The following LSAMP variants were observed in gnomAD, a reference collection of about 807,000 sequenced individuals.
LSAMP encodes limbic system associated membrane protein.
Under a neutral mutation model 38.6 loss-of-function variants are expected in LSAMP, and 7 were observed. The ratio of observed to expected loss-of-function variants is 0.18; its 90% CI spans 0.10 to 0.34. The LOEUF is 0.34. Ranked by LOEUF, LSAMP falls within the 10% of genes least tolerant of loss-of-function variation. LSAMP has a pLI of 1.00. For missense variants in LSAMP, 313 were observed against 420.0 expected, an observed-to-expected ratio of 0.75 and a Z score of 2.23; for synonymous variants, 154 against 166.8, an observed-to-expected ratio of 0.92 and a Z score of 0.59.
At chr3:116,381,478 G>A (rs1021382188) in intron 1 of LSAMP, among the ~76,000 whole-genome samples, 1 of 151,936 alleles carries the variant, frequency 6.6e-6, no homozygotes, top group African/African-American at 2.4e-5. Context: ...TCTCTATTAC[G>A]TCCCACAGTA....
At chr3:116,328,138 A>G (rs999433916) in intron 1 of LSAMP, among the ~76,000 whole-genome samples, 3 of 152,160 alleles carry the variant, frequency 2.0e-5, no homozygotes, top group African/African-American at 7.2e-5. Flanking sequence ...TAGAAGGAAA[A>G]CTAGTAATCC....
At chr3:116,239,529 T>C (rs2046505595) in intron 1 of LSAMP, among the ~76,000 whole-genome samples, 1 of 152,198 alleles carries the variant, frequency 6.6e-6, no homozygotes, top group African/African-American at 2.4e-5. Flanking sequence ...AATATGTTGT[T>C]TAATTCAGTA....
chr3:116,303,760 A>G (rs1330302340), intron 1 of LSAMP, among the ~76,000 whole-genome samples: 1 of 152,182 alleles, frequency 6.6e-6, no homozygotes, highest in Non-Finnish European at 1.5e-5. Flanking sequence ...TGGCACGGGC[A>G]TACTCGGAGC....
intron 1 of LSAMP, among the ~76,000 whole-genome samples, chr3:116,396,400 TC>T (rs2048768050): frequency 6.6e-6 from 1 of 152,206 alleles, no homozygotes; most frequent in African/African-American, 2.4e-5. Context: ...CTGCTTCAAG[TC>T]CATTTCAAAC....
At chr3:116,167,139 GGTTTTT>G (rs1340737399) in intron 1 of LSAMP, among the ~76,000 whole-genome samples, 1 of 151,958 alleles carries the variant, frequency 6.6e-6, no homozygotes, top group Non-Finnish European at 1.5e-5. Context: ...GGGTACAGGA[GGTTTTT>G]GGCTACATGG....
At chr3:116,403,746 C>T (rs914616048) in intron 1 of LSAMP, among the ~76,000 whole-genome samples, 16 of 145,700 alleles carry the variant, frequency 1.1e-4, no homozygotes, top group Non-Finnish European at 2.4e-4. Context: ...GGCATAGAAT[C>T]TTTTTTTTTT....
intron 1 of LSAMP, among the ~76,000 whole-genome samples, chr3:116,201,077 G>A (rs143271579): frequency 5.9e-4 from 90 of 152,350 alleles, no homozygotes; most frequent in African/African-American, 2.1e-3. Context: ...TGAGAGCAGA[G>A]AAGAATTCAT....
chr3:116,016,042 G>A (rs80223202), intron 3 of LSAMP, among the ~76,000 whole-genome samples: 2,032 of 151,948 alleles, frequency 0.013, 29 homozygotes, highest in African/African-American at 0.034. Flanking sequence ...ACATGGCCAC[G>A]GGTTGCAGGC....
intron 1 of LSAMP, among the ~76,000 whole-genome samples, chr3:116,319,072 G>T (rs2047672604): frequency 6.6e-6 from 1 of 152,110 alleles, no homozygotes; most frequent in Non-Finnish European, 1.5e-5. Flanking sequence ...GGGAGAAGTA[G>T]GGGAATAATG....
chr3:116,199,581 G>A (rs943610468), intron 1 of LSAMP, among the ~76,000 whole-genome samples: 19 of 152,148 alleles, frequency 1.2e-4, no homozygotes, highest in African/African-American at 3.6e-4. Context: ...ATAAATAAAT[G>A]AGTGAGCAAA....
At chr3:116,067,128 C>T (rs1408501995) in intron 2 of LSAMP, among the ~76,000 whole-genome samples, 1 of 152,170 alleles carries the variant, frequency 6.6e-6, no homozygotes, top group Non-Finnish European at 1.5e-5. Flanking sequence ...ACAATCCTCA[C>T]TTCAGGCTTC....
In LSAMP at chr3:115,832,280, C is replaced by T. The variant is rs74404052; in HGVS notation, c.919+9565G>A. ...AAAAATCTTTGTAACTTTTGAAACA[C>T]CCACTTTCAAAACACCTTAACAAAA... On this transcript the variant is annotated intron_variant, in intron 6 of 6. Coordinates refer to ENST00000490035, the MANE Select transcript of LSAMP (RefSeq NM_002338.5). 2.3e-3 allele frequency among the ~76,000 whole-genome samples: 349 copies of T among 152,278 alleles called. 1 individual carries two copies. The highest frequency in any genetic ancestry group is 3.8e-3 in the Admixed American group (58 of 15,282).
At chr3:116,181,778 G>A (rs1235474025) in intron 1 of LSAMP, among the ~76,000 whole-genome samples, 5 of 151,892 alleles carry the variant, frequency 3.3e-5, no homozygotes, top group Non-Finnish European at 7.4e-5. Context: ...ACCCAAGACT[G>A]ATTTTCCAAT....
intron 1 of LSAMP, among the ~76,000 whole-genome samples, chr3:116,108,536 C>G (rs145908154): frequency 6.6e-6 from 1 of 152,034 alleles, no homozygotes; most frequent in Admixed American, 6.5e-5. Flanking sequence ...GCTCGGCGTC[C>G]GTGATGGTCT....
intron 6 of LSAMP, among the ~76,000 whole-genome samples, chr3:115,816,131 G>A (rs1409500231): frequency 1.3e-5 from 2 of 152,156 alleles, no homozygotes; most frequent in African/African-American, 2.4e-5. Context: ...CTGGTCTGGG[G>A]TTAGACACTG....
At chr3:116,175,986 G>A (rs531441391) in intron 1 of LSAMP, among the ~76,000 whole-genome samples, 1 of 152,132 alleles carries the variant, frequency 6.6e-6, no homozygotes, top group Admixed American at 6.6e-5. Flanking sequence ...TAAAAATTAA[G>A]AAGTAGAGGA....
chr3:116,006,071 A>C (rs2107667532), intron 3 of LSAMP, among the ~76,000 whole-genome samples: 1 of 152,326 alleles, frequency 6.6e-6, no homozygotes, highest in Non-Finnish European at 1.5e-5. Context: ...TCATGTGAGC[A>C]GATATTATAT....
intron 1 of LSAMP, among the ~76,000 whole-genome samples, chr3:116,202,728 T>C (rs2046004482): frequency 1.3e-5 from 2 of 152,030 alleles, no homozygotes; most frequent in South Asian, 4.2e-4. Context: ...CCAAGCACCC[T>C]TTTTTTGGCT....
At chr3:116,235,035 A>G (rs1046025512) in intron 1 of LSAMP, among the ~76,000 whole-genome samples, 1 of 151,774 alleles carries the variant, frequency 6.6e-6, no homozygotes, top group African/African-American at 2.4e-5. Context: ...TCCACAGAAA[A>G]AATATTCTAA....
Sources: allele counts gnomAD v4.1 joint callset (sites outside exome capture counted in the v4.1 genomes callset), GRCh38; gene constraint gnomAD v4.1.1; transcripts MANE v1.5; gene names NCBI Gene and HGNC (gene_info 2026-07-23, HGNC 2026-07-21).